DISC1: variants seen among roughly 807,000 people sequenced by gnomAD.
DISC1 encodes DISC1 scaffold protein, also known as disrupted in schizophrenia 1 protein.
A neutral mutation model predicts 84.5 loss-of-function variants in DISC1; 57 were observed. That is an observed-to-expected ratio of 0.67 (90% CI 0.55 to 0.84). The LOEUF (loss-of-function observed/expected upper bound fraction) is 0.84, where lower values mean the gene tolerates loss of function less well. DISC1 is among the 40% of genes least tolerant of loss of function. The pLI is 0.00. For missense variants in DISC1, 1,000 were observed against 1,057.8 expected, an observed-to-expected ratio of 0.95 and a Z score of 0.76; for synonymous variants, 411 against 415.2, an observed-to-expected ratio of 0.99 and a Z score of 0.12.
chr1:231,861,373 T>TC (rs141642458), intron 9 of DISC1, among the ~76,000 whole-genome samples: 1 of 149,220 alleles, frequency 6.7e-6, no homozygotes, highest in Admixed American at 6.8e-5. Context: ...CAAGCAATCC[T>TC]CCCCCACCTT....
At chr1:231,800,662 G>C (rs761327974) in intron 8 of DISC1, among the ~76,000 whole-genome samples, 1 of 152,116 alleles carries the variant, frequency 6.6e-6, no homozygotes, top group Non-Finnish European at 1.5e-5. Context: ...TTAAGGAATT[G>C]ATTTTTCCAT....
chr1:231,686,916 A>G lies in DISC1; in HGVS notation c.68-6910A>G, dbSNP rs541187467. The stretch of plus-strand genomic sequence containing the variant: ...TCCCTCTCAAGTTCAAAGTTCCACA[A>G]ATCTCTAGGGCAGGGGCAAAATGCT... On this transcript the variant is annotated intron_variant, in intron 1 of 12. Transcript: ENST00000439617. 2.6e-5 allele frequency among the ~76,000 whole-genome samples: 4 copies of G among 152,268 alleles called. No homozygotes were observed. In the East Asian group the frequency reaches 5.8e-4, roughly 22 times the overall value.
At chr1:231,763,198 C>T (rs1484504307) in intron 4 of DISC1, among the ~76,000 whole-genome samples, 2 of 152,286 alleles carry the variant, frequency 1.3e-5, no homozygotes, top group African/African-American at 4.8e-5. Context: ...GCATTGACTC[C>T]TAAACTCTCC....
intron 9 of DISC1, among the ~76,000 whole-genome samples, chr1:231,841,094 G>A (rs1197232271): frequency 3.9e-5 from 6 of 152,072 alleles, no homozygotes; most frequent in Admixed American, 3.9e-4. Context: ...CTGACATGAT[G>A]CTCAAAGGAA....
intron 9 of DISC1, among the ~76,000 whole-genome samples, chr1:231,870,469 G>A (rs2085377522): frequency 6.6e-6 from 1 of 152,250 alleles, no homozygotes; most frequent in South Asian, 2.1e-4. Flanking sequence ...GCCAGAGTGT[G>A]CTGGCTTCTG....
intron 10 of DISC1, among the ~76,000 whole-genome samples, chr1:232,000,990 G>A (rs1458219609): frequency 6.6e-6 from 1 of 152,162 alleles, no homozygotes; most frequent in Non-Finnish European, 1.5e-5. Flanking sequence ...AAACACAGTA[G>A]AATATCCTTT....
At chr1:231,861,918 T>C (rs1260195730) in intron 9 of DISC1, among the ~76,000 whole-genome samples, 1 of 152,156 alleles carries the variant, frequency 6.6e-6, no homozygotes, top group African/African-American at 2.4e-5. Context: ...TAGTGTGCTG[T>C]TAAATGCTTA....
At chr1:231,748,008 A>C (rs2074200541) in intron 3 of DISC1, among the ~76,000 whole-genome samples, 1 of 152,054 alleles carries the variant, frequency 6.6e-6, no homozygotes, top group South Asian at 2.1e-4. Context: ...TGTAAATGAA[A>C]TTTCCTTATT....
intron 9 of DISC1, among the ~76,000 whole-genome samples, chr1:231,859,588 A>G (rs1360685232): frequency 1.3e-5 from 2 of 152,156 alleles, no homozygotes; most frequent in Non-Finnish European, 2.9e-5. Context: ...GATTTTAACA[A>G]ATGAATTTTG....
intron 11 of DISC1, among the ~76,000 whole-genome samples, chr1:232,020,768 C>T (rs1333923474): frequency 6.6e-6 from 1 of 152,172 alleles, no homozygotes; most frequent in Non-Finnish European, 1.5e-5. Context: ...CAACAGCTCC[C>T]TTTATTTACT....
At chr1:231,791,138 G>T (rs1180656607) in intron 6 of DISC1, among the ~76,000 whole-genome samples, 1 of 152,226 alleles carries the variant, frequency 6.6e-6, no homozygotes, top group Non-Finnish European at 1.5e-5. Context: ...TTGGTCATAT[G>T]ATTGGAACAC....
intron 6 of DISC1, among the ~76,000 whole-genome samples, chr1:231,788,682 G>T (rs2078076174): frequency 6.6e-6 from 1 of 152,194 alleles, no homozygotes; most frequent in African/African-American, 2.4e-5. Flanking sequence ...TTAAAAAGAA[G>T]AGAGGACATC....
chr1:231,759,144 G>A lies in DISC1; in HGVS notation c.1269-7996G>A, dbSNP rs975123949. Among the ~76,000 whole-genome samples, 3 of 152,148 alleles carry A rather than the reference G, an allele frequency of 2.0e-5. No individual in the cohort carries two copies. In the East Asian group the frequency reaches 5.8e-4, roughly 29 times the overall value. ...GAAGATGAATGTTGTGCAGCACCATGATGCTTTTGGGCAGAGTCATTCTTC... is the reference window on the plus strand; with the variant it reads ...GAAGATGAATGTTGTGCAGCACCATAATGCTTTTGGGCAGAGTCATTCTTC... On this transcript the variant is annotated intron_variant, in intron 4 of 12. Transcript: ENST00000439617.
chr1:231,728,561 T>C (rs1004412657), intron 3 of DISC1, among the ~76,000 whole-genome samples: 30 of 152,240 alleles, frequency 2.0e-4, no homozygotes, highest in African/African-American at 6.5e-4. Context: ...CTTGGAGTTA[T>C]ACACTTAACC....
At chr1:231,802,869 T>A (rs1403775146) in intron 8 of DISC1, among the ~76,000 whole-genome samples, 1 of 152,104 alleles carries the variant, frequency 6.6e-6, no homozygotes, top group Non-Finnish European at 1.5e-5. Flanking sequence ...GATATATTTT[T>A]CTTACTTTTT....
chr1:231,645,605 G>C (rs1457182208), intron 1 of DISC1, among the ~76,000 whole-genome samples: 2 of 151,590 alleles, frequency 1.3e-5, no homozygotes, highest in Non-Finnish European at 2.9e-5. Context: ...GTGCTATGTT[G>C]GTTTGCTGCA....
chr1:231,798,447 A>G (rs2078942928), intron 7 of DISC1, among the ~76,000 whole-genome samples: 1 of 152,194 alleles, frequency 6.6e-6, no homozygotes, highest in South Asian at 2.1e-4. Flanking sequence ...TGACTCAATT[A>G]TGATTAACAG....
rs1004730125 is a variant in DISC1 at position 231,749,837 on chromosome 1, C to A, written c.1118-89C>A. ...TCATGATGTCATTAAGGCAAAGGTT[C>A]ACTACAACTGGAGCTAAGAGACACC... is the stretch of plus-strand genomic sequence containing the variant. On this transcript the variant is annotated intron_variant, in intron 3 of 12. Transcript: ENST00000439617. The A allele has an allele frequency of 5.8e-6, 9 of 1,561,832 alleles. No homozygotes were observed. In the African/African-American group the frequency reaches 9.5e-5, roughly 16 times the overall value.
At chr1:231,842,132 G>A (rs1291615396) in intron 9 of DISC1, among the ~76,000 whole-genome samples, 1 of 151,954 alleles carries the variant, frequency 6.6e-6, no homozygotes, top group African/African-American at 2.4e-5. Flanking sequence ...AAGCATCTGG[G>A]ACTACAGGCA....
Sources: gnomAD v4.1 joint callset for allele counts (sites outside exome capture counted in the v4.1 genomes callset) on GRCh38, gnomAD v4.1.1 for gene constraint, MANE v1.5 for transcripts, NCBI Gene and HGNC (gene_info 2026-07-23, HGNC 2026-07-21) for gene names.